The following ZSCAN10 variants were observed in gnomAD, a reference collection of about 807,000 sequenced individuals.
The protein encoded by ZSCAN10 is zinc finger and SCAN domain-containing protein 10.
ZSCAN10 carries 52 observed loss-of-function variants against 63.7 expected under a neutral mutation model. The ratio of observed to expected loss-of-function variants is 0.82; its 90% CI spans 0.65 to 1.03. The LOEUF (loss-of-function observed/expected upper bound fraction) is 1.03, where lower values mean the gene tolerates loss of function less well. Ranked by LOEUF, ZSCAN10 falls within the 50% of genes least tolerant of loss-of-function variation. ZSCAN10 has a pLI of 0.00. For synonymous variants in ZSCAN10, 544 were observed against 479.6 expected (o/e 1.13, Z -1.76); for missense variants, 1,223 against 1,103.8 (o/e 1.11, Z -1.53).
Position 3,089,184 on chromosome 16 carries a change from C to T in ZSCAN10, c.2250G>A (p.Arg750=), listed in dbSNP as rs540219705. The part of the protein sequence containing the change: ...LRHLLVHTGA[R]PYSCTQCGRS... ...GGCCACACTGCGTGCAGGAGTAGGGCCTGGCGCCCGTGTGCACCAGCAGGT... is the reference window on the plus strand; with the variant it reads ...GGCCACACTGCGTGCAGGAGTAGGGTCTGGCGCCCGTGTGCACCAGCAGGT... The change falls in exon 6 of 6, where the codon AGG becomes AGA. Residue 750 remains arginine, a synonymous_variant. Transcript: ENST00000576985. 7.0e-6 allele frequency: 11 copies of T among 1,576,340 alleles called. No homozygotes were observed. The East Asian group carries it at 2.0e-4, about 29-fold the overall frequency.
At chr16:3,096,342 C>T (rs1248840494) in intron 1 of ZSCAN10, 1 of 152,250 alleles carries the variant, frequency 6.6e-6, no homozygotes, top group African/African-American at 2.4e-5. Flanking sequence ...GTTCTCTAGC[C>T]TCAGGGCTAC....
Position 3,092,037 on chromosome 16 carries a change from C to T in ZSCAN10, c.664+12G>A. ...ACCCAGTCCTTGGCCTCCTAGGGCA[C>T]AAGCTCCTCACTGCTTTCTTGCAGG... On this transcript the variant is annotated intron_variant, in intron 3 of 5. Transcript: ENST00000576985. 1 of 1,552,456 alleles carries T rather than the reference C, an allele frequency of 6.4e-7. No homozygotes were observed. The highest frequency in any genetic ancestry group is 8.7e-7 in the Non-Finnish European group (1 of 1,149,300).
At chr16:3,091,352 A>AAG (rs1446751787) in intron 5 of ZSCAN10, among the ~76,000 whole-genome samples, 188 bp downstream of exon 5, 3 of 152,088 alleles carry the variant, frequency 2.0e-5, no homozygotes, top group Non-Finnish European at 2.9e-5. Context: ...CAGGCAAAGA[A>AAG]AGAGGTGTTG....
chr16:3,096,243 T>C (rs1957152336), intron 1 of ZSCAN10, among the ~76,000 whole-genome samples: 1 of 152,208 alleles, frequency 6.6e-6, no homozygotes, highest in Non-Finnish European at 1.5e-5. Context: ...CATATTTTTG[T>C]TTGAGTCTCT....
At chr16:3,097,183 C>G (rs764053027) in intron 1 of ZSCAN10, among the ~76,000 whole-genome samples, 6 of 151,910 alleles carry the variant, frequency 3.9e-5, no homozygotes, top group African/African-American at 7.3e-5. Context: ...TTGCTGTACC[C>G]CCTTAATATG....
At chr16:3,098,090 G>A (rs12448459) in intron 1 of ZSCAN10, among the ~76,000 whole-genome samples, 2,071 of 132,690 alleles carry the variant, frequency 0.016, 17 homozygotes, top group Admixed American at 0.024. Context: ...GAAAAGAAAA[G>A]AAAAAAAAAG....
At chr16:3,093,246 G>C in intron 1 of ZSCAN10, 1 of 224,964 alleles carries the variant, frequency 4.4e-6, no homozygotes, top group Non-Finnish European at 8.6e-6. Flanking sequence ...TACATCACTT[G>C]GCCGGGCACA....
At chr16:3,091,444 A>G in intron 5 of ZSCAN10, 96 bp downstream of exon 5, 1 of 1,373,830 alleles carries the variant, frequency 7.3e-7, no homozygotes, top group Non-Finnish European at 1.0e-6. Flanking sequence ...AGGAGTGGAG[A>G]CTAGCCTGGG....
intron 5 of ZSCAN10, 125 bp downstream of exon 5, chr16:3,091,415 G>A: frequency 9.6e-7 from 1 of 1,039,528 alleles, no homozygotes; most frequent in Admixed American, 1.9e-5. Context: ...AGGCTGAGGT[G>A]GGAGGATCAC....
intron 1 of ZSCAN10, among the ~76,000 whole-genome samples, chr16:3,094,143 G>C (rs952084874): frequency 6.6e-6 from 1 of 152,124 alleles, no homozygotes; most frequent in African/African-American, 2.4e-5. Context: ...CTCCCGAGTA[G>C]CTGGGACTAC....
At position 3,090,484 on chromosome 16, in the gene ZSCAN10, G is replaced by A. The variant is rs765260888; in HGVS notation, c.950C>T (p.Pro317Leu). 1.2e-6 allele frequency: 2 copies of A among 1,613,488 alleles called. No homozygotes were observed. Among genetic ancestry groups the A allele is most frequent in the South Asian group, 1.1e-5 (1 of 91,066 alleles). ...SLGRGAAASG[P>L]GEDGSLLGSS... ...GCCAAGAAGGGACCCATCTTCACCA[G>A]GGCCGCTAGCCGCAGCGCCCCGTCC... is the stretch of plus-strand genomic sequence containing the variant. Residue 317 changes from proline (P) to leucine (L), a missense_variant, in exon 6 of 6, where the codon CCT becomes CTT. Pro to Leu is a moderately conservative substitution (Grantham distance 98). Coordinates refer to ENST00000576985, the MANE Select transcript of ZSCAN10 (RefSeq NM_032805.3).
At position 3,088,999 on chromosome 16, in the gene ZSCAN10, G is replaced by C. The variant is rs1034384387; in HGVS notation, c.*92C>G. The stretch of plus-strand genomic sequence containing the variant: ...GTGAAAGTGGAAGGAGAGGGAAGTG[G>C]GGTGTGGTGGGAAGGGACATTCCTG... On this transcript the variant is annotated 3_prime_UTR_variant, in exon 6 of 6. Transcript: ENST00000576985. 7.9e-6 allele frequency: 11 copies of C among 1,390,162 alleles called. No homozygotes were observed. In the African/African-American group the frequency reaches 1.7e-4, roughly 21 times the overall value. 86.1% of individuals were successfully genotyped at this position (1,390,162 alleles called of 1,614,324 possible). A position where few individuals can be genotyped will look rare whatever the true frequency, so the allele number is the denominator to read the frequency against.
At chr16:3,094,964 A>G (rs193038050) in intron 1 of ZSCAN10, among the ~76,000 whole-genome samples, 1 of 151,562 alleles carries the variant, frequency 6.6e-6, no homozygotes, top group Admixed American at 6.6e-5. Flanking sequence ...CTTGTAATAT[A>G]TAGGAAATGG....
In ZSCAN10 at chr16:3,089,364, G is replaced by A. The variant is rs752659390; in HGVS notation, c.2070C>T (p.Tyr690=). The change falls in exon 6 of 6, where the codon TAC becomes TAT. Residue 690 remains tyrosine (Y), a synonymous_variant. Transcript: ENST00000576985. ...HRRSHTGERP[Y]SCQTCGRSFR... is the part of the protein sequence containing the mutation. The stretch of plus-strand genomic sequence containing the variant: ...AGCTGCGACCGCACGTCTGACAGCT[G>A]TAGGGCCGCTCGCCCGTGTGGCTGC... 1.4e-5 allele frequency: 22 copies of A among 1,600,520 alleles called. No homozygotes were observed. Among genetic ancestry groups the A allele is most frequent in the Non-Finnish European group, 1.9e-5 (22 of 1,178,030 alleles).
At chr16:3,092,341 G>A in intron 2 of ZSCAN10, 25 bp from the exon 3 acceptor site, 1 of 1,571,552 alleles carries the variant, frequency 6.4e-7, no homozygotes, top group South Asian at 1.2e-5. Flanking sequence ...TTCAAGTTAA[G>A]TGACTCCCGG....
In ZSCAN10 at chr16:3,090,321, C is replaced by T. The variant is rs144122567; in HGVS notation, c.1113G>A (p.Pro371=). 5.0e-6 allele frequency: 8 copies of T among 1,609,576 alleles called. No homozygotes were observed. In the South Asian group the frequency reaches 8.8e-5, roughly 18 times the overall value. Residue 371 remains proline, a synonymous_variant, in exon 6 of 6, where the codon CCG becomes CCA. Transcript: ENST00000576985. ...AAAGGCACAGGAAGGAGCGCCCAGC[C>T]GGGTGCGAGCGCAGCTGGTGCGCCT... The part of the protein sequence containing the change: ...RLKAHQLRSH[P]AGRSFLCLCC...
At chr16:3,090,820 C>T (rs561188326) in intron 5 of ZSCAN10, among the ~76,000 whole-genome samples, 174 bp from the exon 6 acceptor site, 3 of 146,074 alleles carry the variant, frequency 2.1e-5, no homozygotes, top group Non-Finnish European at 4.5e-5. Context: ...GAGCCCGAGG[C>T]GGGCGGATCA....
At position 3,090,457 on chromosome 16, in the gene ZSCAN10, C is replaced by A; in HGVS notation, c.977G>T (p.Ser326Ile). Residue 326 changes from serine (S) to isoleucine (I), a missense_variant, in exon 6 of 6, where the codon AGC becomes ATC. Physicochemically the swap from Ser to Ile is moderately radical, Grantham distance 142. Transcript: ENST00000576985. ...GPGEDGSLLGSSEILEVKVAE... is the reference protein window; with the variant it reads ...GPGEDGSLLGISEILEVKVAE... ...CACTTTGACCTCCAAAATTTCACTG[C>A]TGCCAAGAAGGGACCCATCTTCACC... 2 of 1,613,880 alleles carry A rather than the reference C, an allele frequency of 1.2e-6. No homozygotes were observed. The highest frequency in any genetic ancestry group is 1.7e-6 in the Non-Finnish European group (2 of 1,179,974).
rs772007968 is a variant in ZSCAN10, at chr16:3,089,050, G to T, written c.*41C>A. On this transcript the variant is annotated 3_prime_UTR_variant, in exon 6 of 6. Coordinates refer to ENST00000576985, the MANE Select transcript of ZSCAN10 (RefSeq NM_032805.3). ...CAGGCCTCCGCTGTGGAGGACCCCGGGTAGGTGGCGCAGGGCGCGGCTGGC... is the reference window on the plus strand; with the variant it reads ...CAGGCCTCCGCTGTGGAGGACCCCGTGTAGGTGGCGCAGGGCGCGGCTGGC... 1 of 1,453,734 alleles carries T rather than the reference G, an allele frequency of 6.9e-7. No individual in the cohort carries two copies. The highest frequency in any genetic ancestry group is 1.4e-5 in the South Asian group (1 of 70,310). 90.1% of individuals were successfully genotyped at this position (1,453,734 alleles called of 1,614,324 possible).
Sources: allele counts gnomAD v4.1 joint callset (sites outside exome capture counted in the v4.1 genomes callset), GRCh38; gene constraint gnomAD v4.1.1; transcripts MANE v1.5; gene names NCBI Gene and HGNC (gene_info 2026-07-23, HGNC 2026-07-21).